Variants in DNM3 observed in about 807,000 individuals in gnomAD.
DNM3 encodes the protein dynamin-3.
DNM3 carries 47 observed loss-of-function variants against 101.6 expected under a neutral mutation model. The observed-to-expected ratio is 0.46, with a 90% CI of 0.37 to 0.59. DNM3 has a LOEUF of 0.59. Among genes scored for constraint, DNM3 ranks in the 20% least tolerant of loss-of-function variants. The pLI is 0.00. For missense variants in DNM3, 849 were observed against 1,085.7 expected (o/e 0.78, Z 3.06); for synonymous variants, 385 against 387.9 (o/e 0.99, Z 0.09).
At chr1:172,236,744 G>T (rs1557862568) in intron 14 of DNM3, among the ~76,000 whole-genome samples, 2 of 152,080 alleles carry the variant, frequency 1.3e-5, no homozygotes, top group Non-Finnish European at 2.9e-5. Flanking sequence ...TCTTTGTGTT[G>T]CTCTGGTTCT....
intron 1 of DNM3, among the ~76,000 whole-genome samples, chr1:171,890,418 C>A (rs773078395): frequency 2.6e-5 from 4 of 152,132 alleles, no homozygotes; most frequent in Non-Finnish European, 5.9e-5. Flanking sequence ...TAAAGCATAA[C>A]CGAGTTTATT....
intron 2 of DNM3, among the ~76,000 whole-genome samples, chr1:171,968,896 G>A (rs1004212250): frequency 5.9e-5 from 9 of 152,178 alleles, no homozygotes; most frequent in Non-Finnish European, 1.3e-4. Context: ...TTATGCTATT[G>A]TTGTGTTCTT....
At chr1:172,405,414 C>T (rs1398796013) in intron 20 of DNM3, among the ~76,000 whole-genome samples, 10 of 151,936 alleles carry the variant, frequency 6.6e-5, no homozygotes, top group African/African-American at 2.2e-4. Context: ...CAGAGGAAGT[C>T]AGGAAAACTA....
intron 14 of DNM3, among the ~76,000 whole-genome samples, chr1:172,223,029 C>T (rs572318917): frequency 1.3e-5 from 2 of 151,956 alleles, no homozygotes; most frequent in South Asian, 2.1e-4. Flanking sequence ...ATGTTCAAAT[C>T]GGGGTAATTA....
Position 172,408,804 on chromosome 1 carries a change from T to C in DNM3, c.*963T>C. 1.0e-6 allele frequency: 1 copy of C among 985,314 alleles called. No individual in the cohort carries two copies. The highest frequency in any genetic ancestry group is 1.2e-6 in the Non-Finnish European group (1 of 829,850). The allele number at this position is 985,314 out of a possible 1,614,324, so 61.0% of individuals were successfully genotyped here. A position where few individuals can be genotyped will look rare whatever the true frequency, so the allele number is the denominator to read the frequency against. ...TGTAATCTTGTTTTGTAAGAATTTA[T>C]CCTACCCTTGAAACAGGCTCAGTGT... is the stretch of plus-strand genomic sequence containing the variant. On this transcript the variant is annotated 3_prime_UTR_variant, in exon 21 of 21. Coordinates refer to ENST00000627582, the MANE Select transcript of DNM3 (RefSeq NM_015569.5).
chr1:172,183,751 C>A (rs1039173353), intron 14 of DNM3, among the ~76,000 whole-genome samples: 26 of 149,214 alleles, frequency 1.7e-4, no homozygotes, highest in African/African-American at 6.0e-4. Flanking sequence ...CAGGGTTGCA[C>A]CACCATGCCC....
chr1:172,040,396 T>C (rs1315708074), intron 7 of DNM3, among the ~76,000 whole-genome samples: 1 of 152,166 alleles, frequency 6.6e-6, no homozygotes, highest in Non-Finnish European at 1.5e-5. Context: ...ATTTTTTCCC[T>C]TTTAGATTTT....
At chr1:171,973,189 A>C (rs1440608244) in intron 2 of DNM3, among the ~76,000 whole-genome samples, 1 of 152,222 alleles carries the variant, frequency 6.6e-6, no homozygotes, top group Non-Finnish European at 1.5e-5. Context: ...TTAAAAGCTA[A>C]GAATTGGAAT....
At chr1:172,287,881 G>T (rs1002339804) in intron 15 of DNM3, among the ~76,000 whole-genome samples, 1 of 151,740 alleles carries the variant, frequency 6.6e-6, no homozygotes, top group African/African-American at 2.4e-5. Flanking sequence ...GTGGTACAGT[G>T]GCACTATCAC....
intron 14 of DNM3, among the ~76,000 whole-genome samples, chr1:172,213,516 A>C (rs893468519): frequency 9.4e-6 from 1 of 106,434 alleles, no homozygotes; most frequent in African/African-American, 4.0e-5. Flanking sequence ...ATCCATTGTT[A>C]CAAAAAAAAA....
At chr1:171,873,583 G>T (rs1006606973) in intron 1 of DNM3, among the ~76,000 whole-genome samples, 1 of 152,088 alleles carries the variant, frequency 6.6e-6, no homozygotes, top group Non-Finnish European at 1.5e-5. Flanking sequence ...TGTCCAAGAA[G>T]AAGAGGTGAG....
chr1:171,897,170 T>C (rs1178934881), intron 1 of DNM3, among the ~76,000 whole-genome samples: 1 of 152,204 alleles, frequency 6.6e-6, no homozygotes, highest in African/African-American at 2.4e-5. Context: ...AAAATGCACT[T>C]GGAAGCAGTG....
chr1:171,893,829 TTTACATGCAG>T (rs2037514051), intron 1 of DNM3, among the ~76,000 whole-genome samples: 2 of 152,190 alleles, frequency 1.3e-5, no homozygotes, highest in Admixed American at 6.5e-5. Flanking sequence ...CAATCTATTA[TTTACATGCAG>T]TTACATGAAA....
At chr1:171,847,274 T>TTACAAAAATCCCTGAAAAAC (rs1332454137) in intron 1 of DNM3, among the ~76,000 whole-genome samples, 1 of 152,218 alleles carries the variant, frequency 6.6e-6, no homozygotes, top group Non-Finnish European at 1.5e-5. Flanking sequence ...CAATTTATTT[T>TTACAAAAATCCCTGAAAAAC]TACAAAAATC....
intron 10 of DNM3, among the ~76,000 whole-genome samples, chr1:172,058,971 A>C (rs1440502489): frequency 1.3e-5 from 2 of 152,116 alleles, no homozygotes; most frequent in African/African-American, 4.8e-5. Flanking sequence ...GGAGAAAAGA[A>C]AGAAGAATCA....
intron 15 of DNM3, among the ~76,000 whole-genome samples, chr1:172,292,530 A>C (rs2063963516): frequency 6.6e-6 from 1 of 152,090 alleles, no homozygotes; most frequent in African/African-American, 2.4e-5. Context: ...TGTTGCATTA[A>C]TTAGAAACCT....
In DNM3 at chr1:172,191,149, G is replaced by A. The variant is rs575650896; in HGVS notation, c.1659+59861G>A. ...TTTTTCTGGGGTTTTTATGGTTTTA[G>A]TTCTAACATTTAAGTCTTTTAACCA... On this transcript the variant is annotated intron_variant, in intron 14 of 20. Coordinates refer to ENST00000627582, the MANE Select transcript of DNM3 (RefSeq NM_015569.5). 3.9e-5 allele frequency among the ~76,000 whole-genome samples: 6 copies of A among 152,272 alleles called. No homozygotes were observed. In the East Asian group the frequency reaches 9.6e-4, roughly 24 times the overall value.
chr1:172,163,276 T>A (rs2058615333), intron 14 of DNM3, among the ~76,000 whole-genome samples: 1 of 149,126 alleles, frequency 6.7e-6, no homozygotes, highest in Non-Finnish European at 1.5e-5. Flanking sequence ...AGTCACTCCG[T>A]CACCCAGGCT....
At chr1:172,334,085 G>C (rs1019638246) in intron 17 of DNM3, among the ~76,000 whole-genome samples, 1 of 152,136 alleles carries the variant, frequency 6.6e-6, no homozygotes, top group African/African-American at 2.4e-5. Flanking sequence ...TTTCGAAATA[G>C]TTCTGTCACC....
Sources: gnomAD v4.1 joint callset for allele counts (sites outside exome capture counted in the v4.1 genomes callset) on GRCh38, gnomAD v4.1.1 for gene constraint, MANE v1.5 for transcripts, NCBI Gene and HGNC (gene_info 2026-07-23, HGNC 2026-07-21) for gene names.